Variants in GRID1 observed in about 807,000 individuals in gnomAD.
The protein encoded by GRID1 is glutamate ionotropic receptor delta type subunit 1.
In GRID1, 28 loss-of-function variants were observed where a neutral mutation model predicts 98.0. The observed-to-expected ratio is 0.29, with a 90% CI of 0.21 to 0.39. The LOEUF (loss-of-function observed/expected upper bound fraction) is 0.39. Ranked by LOEUF, GRID1 falls within the 10% of genes least tolerant of loss-of-function variation. The pLI, the probability that GRID1 is intolerant of heterozygous loss-of-function variation, is 1.00. For synonymous variants in GRID1, 553 were observed against 538.5 expected, an observed-to-expected ratio of 1.03 and a Z score of -0.37; for missense variants, 1,111 against 1,340.5, an observed-to-expected ratio of 0.83 and a Z score of 2.67.
At chr10:86,340,265 C>T (rs1368442937) in intron 2 of GRID1, among the ~76,000 whole-genome samples, 3 of 152,158 alleles carry the variant, frequency 2.0e-5, no homozygotes, top group Non-Finnish European at 2.9e-5. Flanking sequence ...AGCAAAGCCC[C>T]GAACCACCAA....
At chr10:86,143,956 G>A (rs550309346) in intron 3 of GRID1, among the ~76,000 whole-genome samples, 14 of 152,100 alleles carry the variant, frequency 9.2e-5, no homozygotes, top group Non-Finnish European at 2.1e-4. Context: ...GCTCTCAGGG[G>A]CCCCATCACC....
intron 12 of GRID1, among the ~76,000 whole-genome samples, chr10:85,712,780 T>C (rs1000632030): frequency 6.6e-6 from 1 of 151,054 alleles, no homozygotes; most frequent in Non-Finnish European, 1.5e-5. Context: ...AATAAGAAAA[T>C]TTATAAAATG....
intron 4 of GRID1, among the ~76,000 whole-genome samples, chr10:86,030,183 G>A (rs1488541843): frequency 2.0e-5 from 3 of 152,200 alleles, no homozygotes; most frequent in Admixed American, 2.0e-4. Context: ...TGTAAAGAAG[G>A]TTATAAAGGA....
chr10:86,243,266 G>C (rs142615244), intron 2 of GRID1, among the ~76,000 whole-genome samples: 1 of 152,288 alleles, frequency 6.6e-6, no homozygotes, highest in Admixed American at 6.5e-5. Context: ...CTGCAGACCC[G>C]TGCTCAATAG....
At chr10:86,300,627 G>A (rs1338474591) in intron 2 of GRID1, among the ~76,000 whole-genome samples, 1 of 151,624 alleles carries the variant, frequency 6.6e-6, no homozygotes, top group Non-Finnish European at 1.5e-5. Flanking sequence ...ACCCTCCCAG[G>A]CTGATCCTGG....
intron 14 of GRID1, among the ~76,000 whole-genome samples, chr10:85,615,159 G>A (rs1240120968): frequency 6.6e-6 from 1 of 152,186 alleles, no homozygotes; most frequent in Non-Finnish European, 1.5e-5. Context: ...CTTGTGTCTG[G>A]TGGAGACAAG....
intron 4 of GRID1, among the ~76,000 whole-genome samples, chr10:85,971,280 G>A (rs1283420547): frequency 6.6e-6 from 1 of 151,776 alleles, no homozygotes; most frequent in Non-Finnish European, 1.5e-5. Context: ...CCTTAATGTA[G>A]GCATAGATTT....
intron 2 of GRID1, among the ~76,000 whole-genome samples, chr10:86,250,642 T>C (rs1479603060): frequency 6.6e-6 from 1 of 150,768 alleles, no homozygotes; most frequent in African/African-American, 2.5e-5. Flanking sequence ...GTCTGGGAGG[T>C]GGGGGGCAGC....
intron 12 of GRID1, among the ~76,000 whole-genome samples, chr10:85,690,758 GGCA>G (rs974004676): frequency 1.3e-5 from 2 of 151,942 alleles, no homozygotes; most frequent in African/African-American, 4.8e-5. Context: ...CAAATTCACT[GGCA>G]TATCAAATAA....
intron 5 of GRID1, among the ~76,000 whole-genome samples, chr10:85,883,510 G>C (rs1022353171): frequency 1.0e-4 from 14 of 136,888 alleles, no homozygotes; most frequent in East Asian, 2.3e-4. Context: ...CTCTCTCTCT[G>C]TCTCTCTCTC....
At chr10:85,946,924 A>G (rs771410817) in intron 4 of GRID1, among the ~76,000 whole-genome samples, 1 of 152,232 alleles carries the variant, frequency 6.6e-6, no homozygotes, top group Non-Finnish European at 1.5e-5. Flanking sequence ...CCAATGGCTC[A>G]CAATGCGGAA....
chr10:85,811,157 A>C lies in GRID1; in HGVS notation c.1233+43339T>G, dbSNP rs534840409. Among the ~76,000 whole-genome samples, 230 of 152,326 alleles carry C rather than the reference A, an allele frequency of 1.5e-3. 1 individual carries two copies. Among genetic ancestry groups the C allele is most frequent in the African/African-American group, 5.4e-3 (225 of 41,584 alleles). Reference sequence around the variant, plus strand: ...CACTAACATGGATTACATCTGAAGAAACTGCACTACTTTATGTACCAAGAA... The same window carrying C: ...CACTAACATGGATTACATCTGAAGACACTGCACTACTTTATGTACCAAGAA... On this transcript the variant is annotated intron_variant, in intron 8 of 15. Transcript: ENST00000327946.
At chr10:86,330,767 A>G (rs1357399365) in intron 2 of GRID1, among the ~76,000 whole-genome samples, 1 of 152,250 alleles carries the variant, frequency 6.6e-6, no homozygotes, top group Non-Finnish European at 1.5e-5. Context: ...GTTTCCTGGC[A>G]AATACAAGCC....
At position 86,147,097 on chromosome 10, in the gene GRID1, A is replaced by T. The variant is rs558734999; in HGVS notation, c.521-8073T>A. ...ATGGTGTCCTGCCAGATTCAGCAGC[A>T]AAGGGCTACTGCTCTAAGTCTACTT... is the stretch of plus-strand genomic sequence containing the variant. On this transcript the variant is annotated intron_variant, in intron 3 of 15. Coordinates refer to ENST00000327946, the MANE Select transcript of GRID1 (RefSeq NM_017551.3). Among the ~76,000 whole-genome samples, 21 of 152,298 alleles carry T rather than the reference A, an allele frequency of 1.4e-4. No homozygotes were observed. In the South Asian group the frequency reaches 3.9e-3, roughly 29 times the overall value.
At chr10:85,974,967 T>G (rs1190814265) in intron 4 of GRID1, among the ~76,000 whole-genome samples, 2 of 152,206 alleles carry the variant, frequency 1.3e-5, no homozygotes, top group African/African-American at 4.8e-5. Flanking sequence ...ATCAATAACT[T>G]CTAGGTACAT....
chr10:86,291,776 A>G (rs1488271191), intron 2 of GRID1, among the ~76,000 whole-genome samples: 1 of 152,186 alleles, frequency 6.6e-6, no homozygotes, highest in Non-Finnish European at 1.5e-5. Context: ...TGACCATTCC[A>G]TCAATGCTAG....
At chr10:86,178,013 G>A (rs931370577) in intron 3 of GRID1, among the ~76,000 whole-genome samples, 4 of 151,966 alleles carry the variant, frequency 2.6e-5, no homozygotes, top group African/African-American at 9.7e-5. Context: ...AGCCTTGAGG[G>A]GCACCAGGGG....
At chr10:86,265,435 T>A (rs1847089290) in intron 2 of GRID1, among the ~76,000 whole-genome samples, 1 of 152,256 alleles carries the variant, frequency 6.6e-6, no homozygotes, top group African/African-American at 2.4e-5. Flanking sequence ...GGTATGACCC[T>A]TCTATTTTAC....
chr10:85,928,119 C>A (rs1220518642), intron 4 of GRID1, among the ~76,000 whole-genome samples: 1 of 152,120 alleles, frequency 6.6e-6, no homozygotes. Flanking sequence ...GATGATTCAT[C>A]CCACTAAACT....
Sources: gnomAD v4.1 joint callset for allele counts (sites outside exome capture counted in the v4.1 genomes callset) on GRCh38, gnomAD v4.1.1 for gene constraint, MANE v1.5 for transcripts, NCBI Gene and HGNC (gene_info 2026-07-23, HGNC 2026-07-21) for gene names.